PDE4D: variants seen among roughly 807,000 people sequenced by gnomAD.
The protein encoded by PDE4D is 3',5'-cyclic-AMP phosphodiesterase 4D.
PDE4D carries 24 observed loss-of-function variants against 87.4 expected under a neutral mutation model. That is an observed-to-expected ratio of 0.27 (90% CI 0.20 to 0.39). The LOEUF (loss-of-function observed/expected upper bound fraction) is 0.39. PDE4D is among the 10% of genes least tolerant of loss of function. PDE4D has a pLI of 1.00. For missense variants in PDE4D, 714 were observed against 1,041.0 expected (o/e 0.69, Z 4.32); for synonymous variants, 384 against 383.2 (o/e 1.00, Z -0.02).
intron 1 of PDE4D, among the ~76,000 whole-genome samples, chr5:59,324,635 C>T (rs1322137593): frequency 1.3e-5 from 2 of 152,076 alleles, no homozygotes; most frequent in African/African-American, 2.4e-5. Flanking sequence ...ACAGACATCT[C>T]GAGTTTACAG....
intron 2 of PDE4D, among the ~76,000 whole-genome samples, chr5:60,094,588 CTTTTTTTTTTTTTT>C (rs3087200): frequency 5.2e-5 from 3 of 58,180 alleles, no homozygotes; most frequent in Non-Finnish European, 6.3e-5. Flanking sequence ...GAGTGACATG[CTTTTTTTTTTTTTT>C]TTTTTTTTTT....
chr5:59,766,498 A>G (rs138185660), intron 1 of PDE4D, among the ~76,000 whole-genome samples: 15 of 152,336 alleles, frequency 9.8e-5, no homozygotes, highest in African/African-American at 3.6e-4. Flanking sequence ...GACATGTCTA[A>G]ATAGTTCAGA....
At chr5:60,301,700 A>G (rs942770628) in intron 1 of PDE4D, among the ~76,000 whole-genome samples, 5 of 152,112 alleles carry the variant, frequency 3.3e-5, no homozygotes, top group Non-Finnish European at 7.4e-5. Context: ...CTTTATTTCT[A>G]TCTCTCACCT....
chr5:59,864,097 T>G (rs1252711015), intron 1 of PDE4D, among the ~76,000 whole-genome samples: 1 of 152,128 alleles, frequency 6.6e-6, no homozygotes, highest in African/African-American at 2.4e-5. Context: ...GGATTTGCTT[T>G]CTGTTCAATA....
At chr5:59,114,471 G>C (rs1003689361) in intron 5 of PDE4D, among the ~76,000 whole-genome samples, 7 of 152,196 alleles carry the variant, frequency 4.6e-5, no homozygotes, top group African/African-American at 1.7e-4. Context: ...GGGATACTCA[G>C]TTGGGAATTT....
intron 1 of PDE4D, among the ~76,000 whole-genome samples, chr5:59,503,474 A>G (rs977828375): frequency 6.6e-6 from 1 of 152,190 alleles, no homozygotes; most frequent in Admixed American, 6.5e-5. Flanking sequence ...TGTCATTAAT[A>G]TAAATAAGTA....
At chr5:59,169,939 T>A (rs1371945372) in intron 5 of PDE4D, among the ~76,000 whole-genome samples, 1 of 152,094 alleles carries the variant, frequency 6.6e-6, no homozygotes, top group Non-Finnish European at 1.5e-5. Context: ...AGAGACAGGT[T>A]TGGGAAGTAT....
chr5:59,367,728 T>C (rs1346258873), intron 1 of PDE4D, among the ~76,000 whole-genome samples: 1 of 152,202 alleles, frequency 6.6e-6, no homozygotes, highest in Non-Finnish European at 1.5e-5. Flanking sequence ...TGATGCAGTT[T>C]GCAGAAGCAT....
intron 1 of PDE4D, among the ~76,000 whole-genome samples, chr5:59,535,550 A>T (rs774194733): frequency 6.6e-6 from 1 of 152,206 alleles, no homozygotes. Flanking sequence ...CATCAAGCTG[A>T]TACCTATTTG....
chr5:60,137,562 T>G (rs1351558220), intron 2 of PDE4D, among the ~76,000 whole-genome samples: 2 of 152,274 alleles, frequency 1.3e-5, no homozygotes, highest in African/African-American at 4.8e-5. Flanking sequence ...TTTTTTTTCA[T>G]ATGTTTGTTG....
At chr5:59,706,724 G>A (rs1337724073) in intron 1 of PDE4D, among the ~76,000 whole-genome samples, 3 of 152,104 alleles carry the variant, frequency 2.0e-5, no homozygotes, top group African/African-American at 4.8e-5. Flanking sequence ...TCAATATGGT[G>A]GAGCTAGTGG....
At chr5:59,442,354 A>G (rs1428058033) in intron 1 of PDE4D, among the ~76,000 whole-genome samples, 1 of 152,138 alleles carries the variant, frequency 6.6e-6, no homozygotes, top group Non-Finnish European at 1.5e-5. Context: ...CCAAGTTTTC[A>G]TAATAGATAA....
chr5:60,003,425 A>C (rs1437291686), intron 2 of PDE4D, among the ~76,000 whole-genome samples: 4 of 152,112 alleles, frequency 2.6e-5, no homozygotes, highest in African/African-American at 9.7e-5. Flanking sequence ...CTAAGAAAGA[A>C]GAATGGCTGG....
At chr5:60,039,612 A>T (rs1261882763) in intron 2 of PDE4D, among the ~76,000 whole-genome samples, 2 of 151,992 alleles carry the variant, frequency 1.3e-5, no homozygotes, top group Admixed American at 6.6e-5. Flanking sequence ...AAATAAAAAA[A>T]ATAAAAAATA....
chr5:59,197,186 TCAAAAGGG>T (rs1398844911), intron 2 of PDE4D, among the ~76,000 whole-genome samples: 1 of 152,210 alleles, frequency 6.6e-6, no homozygotes, highest in African/African-American at 2.4e-5. Context: ...CTTTCAAAAC[TCAAAAGGG>T]TTGCATATTT....
intron 1 of PDE4D, among the ~76,000 whole-genome samples, chr5:59,406,393 C>T (rs1562124957): frequency 6.6e-5 from 2 of 30,490 alleles, no homozygotes; most frequent in African/African-American, 4.5e-4. Context: ...CTTATCTTTC[C>T]TTCCCCCCCC....
intron 1 of PDE4D, among the ~76,000 whole-genome samples, chr5:59,692,154 G>C (rs1225973590): frequency 1.3e-5 from 2 of 152,106 alleles, no homozygotes; most frequent in Non-Finnish European, 2.9e-5. Flanking sequence ...AATATCCTTT[G>C]TTCCATTTTT....
chr5:59,562,439 C>T (rs1820188972), intron 1 of PDE4D, among the ~76,000 whole-genome samples: 1 of 152,126 alleles, frequency 6.6e-6, no homozygotes, highest in Non-Finnish European at 1.5e-5. Flanking sequence ...ATGCCCTAGC[C>T]AATCTTTTGA....
At chr5:59,655,323 A>T (rs1035669453) in intron 1 of PDE4D, among the ~76,000 whole-genome samples, 3 of 152,184 alleles carry the variant, frequency 2.0e-5, no homozygotes, top group Non-Finnish European at 4.4e-5. Context: ...TCTTCTTGAT[A>T]CAATGTTCCA....
Sources: allele counts gnomAD v4.1 joint callset (sites outside exome capture counted in the v4.1 genomes callset), GRCh38; gene constraint gnomAD v4.1.1; transcripts MANE v1.5; gene names NCBI Gene and HGNC (gene_info 2026-07-23, HGNC 2026-07-21).